MAN2A1: variants seen among roughly 807,000 people sequenced by gnomAD.
MAN2A1 encodes alpha-mannosidase 2.
A neutral mutation model predicts 142.6 loss-of-function variants in MAN2A1; 76 were observed. That is an observed-to-expected ratio of 0.53 (90% CI 0.44 to 0.65). MAN2A1 has a LOEUF of 0.65. MAN2A1 is among the 30% of genes least tolerant of loss of function. MAN2A1 has a pLI of 0.00. For synonymous variants in MAN2A1, 559 were observed against 473.2 expected (o/e 1.18, Z -2.35); for missense variants, 1,311 against 1,365.1 (o/e 0.96, Z 0.62).
Position 109,868,091 on chromosome 5 carries a change from C to T in MAN2A1, c.*1093C>T, listed in dbSNP as rs1755928431. ...GGAAAATATTGTTAATTAAAATGTG[C>T]TGCTGCCAAGGAAACTGCAACTTGA... On this transcript the variant is annotated 3_prime_UTR_variant, in exon 22 of 22. Transcript: ENST00000261483. 6.6e-6 allele frequency: 1 copy of T among 152,144 alleles called. No homozygotes were observed. Among genetic ancestry groups the T allele is most frequent in the Non-Finnish European group, 1.5e-5 (1 of 68,024 alleles). 9.4% of individuals were successfully genotyped at this position (152,144 alleles called of 1,614,324 possible).
chr5:109,855,448 T>C (rs555864450), intron 20 of MAN2A1, 114 bp downstream of exon 20: 99 of 622,184 alleles, frequency 1.6e-4, no homozygotes, highest in Non-Finnish European at 2.4e-4. Context: ...GAGGAATTAT[T>C]AACAGGGCTT....
At chr5:109,804,012 C>G (rs1202239930) in intron 12 of MAN2A1, 1 of 203,750 alleles carries the variant, frequency 4.9e-6, no homozygotes, top group Non-Finnish European at 8.7e-6. Context: ...TCTTTTCCTC[C>G]CAGTGTCCAT....
chr5:109,868,795 T>C lies in MAN2A1; in HGVS notation c.*1797T>C, dbSNP rs937227089. ...CTTCCTTTTTGTGGACATCTACAGA[T>C]GTTAGGGTTGCCAGAAGCAAATCCC... On this transcript the variant is annotated 3_prime_UTR_variant, in exon 22 of 22. Transcript: ENST00000261483. 1 of 152,174 alleles carries C rather than the reference T, an allele frequency of 6.6e-6. No individual in the cohort carries two copies. Among genetic ancestry groups the C allele is most frequent in the African/African-American group, 2.4e-5 (1 of 41,448 alleles). The allele number at this position is 152,174 out of a possible 1,614,324, so 9.4% of individuals were successfully genotyped here. A position where few individuals can be genotyped will look rare whatever the true frequency, so the allele number is the denominator to read the frequency against.
intron 16 of MAN2A1, among the ~76,000 whole-genome samples, chr5:109,825,161 C>T (rs1333255845): frequency 6.6e-6 from 1 of 152,166 alleles, no homozygotes; most frequent in African/African-American, 2.4e-5. Context: ...TTTTGATCAT[C>T]TGTTTGTACT....
chr5:109,839,154 A>T (rs2112752842), intron 16 of MAN2A1, among the ~76,000 whole-genome samples: 1 of 152,356 alleles, frequency 6.6e-6, no homozygotes, highest in Non-Finnish European at 1.5e-5. Context: ...CCCTAGTATT[A>T]CGTGAATACT....
chr5:109,856,498 T>G (rs1384958014), intron 20 of MAN2A1, among the ~76,000 whole-genome samples: 1 of 152,180 alleles, frequency 6.6e-6, no homozygotes, highest in Non-Finnish European at 1.5e-5. Context: ...GTCTCTTAGC[T>G]AATTAGCAAG....
intron 16 of MAN2A1, among the ~76,000 whole-genome samples, chr5:109,835,000 A>T (rs1755022714): frequency 6.6e-6 from 1 of 152,082 alleles, no homozygotes; most frequent in South Asian, 2.1e-4. Flanking sequence ...GGTCACGATA[A>T]TATTTTCTTT....
intron 12 of MAN2A1, among the ~76,000 whole-genome samples, chr5:109,802,049 T>C (rs1754045591): frequency 6.6e-6 from 1 of 152,208 alleles, no homozygotes; most frequent in African/African-American, 2.4e-5. Context: ...AAATTTACTT[T>C]GTATTTCTGT....
At chr5:109,844,849 A>C (rs1019764833) in intron 17 of MAN2A1, among the ~76,000 whole-genome samples, 1 of 152,218 alleles carries the variant, frequency 6.6e-6, no homozygotes, top group African/African-American at 2.4e-5. Context: ...AGGTCCCAAC[A>C]TAATCCAGAA....
At chr5:109,772,575 T>C (rs1482516609) in intron 7 of MAN2A1, among the ~76,000 whole-genome samples, 1 of 152,184 alleles carries the variant, frequency 6.6e-6, no homozygotes, top group South Asian at 2.1e-4. Context: ...AATGACACAA[T>C]AGCTCACTGG....
chr5:109,810,419 G>C (rs1754285132), intron 12 of MAN2A1, among the ~76,000 whole-genome samples: 1 of 152,142 alleles, frequency 6.6e-6, no homozygotes, highest in Admixed American at 6.5e-5. Context: ...CTAATAGCCT[G>C]CTTATATTCT....
At chr5:109,722,243 T>C (rs1362881645) in intron 3 of MAN2A1, among the ~76,000 whole-genome samples, 1 of 152,222 alleles carries the variant, frequency 6.6e-6, no homozygotes, top group Non-Finnish European at 1.5e-5. Flanking sequence ...AAAGTGGACA[T>C]CTCACTGCAC....
At position 109,820,267 on chromosome 5, in the gene MAN2A1, A is replaced by G. The variant is rs1205958045; in HGVS notation, c.2376A>G (p.Gln792=). 3.0e-5 allele frequency: 49 copies of G among 1,610,822 alleles called. No individual in the cohort carries two copies. Among genetic ancestry groups the G allele is most frequent in the Non-Finnish European group, 3.9e-5 (46 of 1,177,488 alleles). The change falls in exon 15 of 22, where the codon CAA becomes CAG. Residue 792 remains glutamine, a synonymous_variant. Transcript: ENST00000261483. ...GTAAACACCATGAAGTAAATGTGCA[A>G]TTTTCATGGTATGGAACCACAATTA... The part of the protein sequence containing the change: ...EDGKHHEVNV[Q]FSWYGTTIKR...
chr5:109,756,144 C>T (rs146240171), intron 5 of MAN2A1, among the ~76,000 whole-genome samples: 2 of 151,922 alleles, frequency 1.3e-5, no homozygotes, highest in Non-Finnish European at 2.9e-5. Flanking sequence ...TTGTGGAGAG[C>T]AGGGTCAGCT....
intron 5 of MAN2A1, among the ~76,000 whole-genome samples, chr5:109,763,488 TTTTTTA>T (rs1476637885): frequency 1.3e-5 from 2 of 151,526 alleles, no homozygotes; most frequent in African/African-American, 4.9e-5. Flanking sequence ...GTTTTCTTTT[TTTTTTA>T]TTTTTAAGTT....
At chr5:109,727,796 A>G (rs1345350356) in intron 3 of MAN2A1, among the ~76,000 whole-genome samples, 3 of 152,128 alleles carry the variant, frequency 2.0e-5, no homozygotes, top group Non-Finnish European at 4.4e-5. Context: ...GGTTGGTTGG[A>G]CTTTCTGGGC....
intron 21 of MAN2A1, among the ~76,000 whole-genome samples, chr5:109,866,232 A>G (rs1755879491): frequency 1.3e-5 from 2 of 148,290 alleles, no homozygotes. Context: ...TTCTGACATT[A>G]AGGCCTTGAG....
chr5:109,796,428 C>A (rs558890421), intron 12 of MAN2A1, among the ~76,000 whole-genome samples: 249 of 152,292 alleles, frequency 1.6e-3, no homozygotes, highest in Non-Finnish European at 2.9e-3. Flanking sequence ...TCATAATGAT[C>A]TTCTACTTTA....
intron 12 of MAN2A1, among the ~76,000 whole-genome samples, chr5:109,805,708 T>C (rs1233054647): frequency 3.9e-5 from 6 of 152,220 alleles, no homozygotes; most frequent in African/African-American, 1.4e-4. Context: ...CGGGTATTAA[T>C]AGGTAATCCC....
Sources: allele counts gnomAD v4.1 joint callset (sites outside exome capture counted in the v4.1 genomes callset), GRCh38; gene constraint gnomAD v4.1.1; transcripts MANE v1.5; gene names NCBI Gene and HGNC (gene_info 2026-07-23, HGNC 2026-07-21).